The following NR2E1 variants were observed in gnomAD, a reference collection of about 807,000 sequenced individuals.
NR2E1 encodes nuclear receptor TLX.
In NR2E1, 5 loss-of-function variants were observed where a neutral mutation model predicts 43.6. The observed-to-expected ratio is 0.11, with a 90% CI of 0.06 to 0.24. The LOEUF (loss-of-function observed/expected upper bound fraction) is 0.24, where lower values mean the gene tolerates loss of function less well. Among genes scored for constraint, NR2E1 ranks in the 10% least tolerant of loss-of-function variants. The probability of loss-of-function intolerance (pLI) is 1.00; values close to 1 mark genes in which losing one functional copy is unlikely to be tolerated. For synonymous variants in NR2E1, 191 were observed against 195.5 expected (o/e 0.98, Z 0.19); for missense variants, 287 against 496.7 (o/e 0.58, Z 4.01).
chr6:108,184,616 ATG>A (rs973720088), intron 8 of NR2E1, among the ~76,000 whole-genome samples: 3 of 152,060 alleles, frequency 2.0e-5, no homozygotes, highest in African/African-American at 4.8e-5. Flanking sequence ...AGGGGAGAAG[ATG>A]TGTCCTGAGA....
chr6:108,187,386 G>A lies in NR2E1; in HGVS notation c.1081G>A (p.Val361Met). The A allele has an allele frequency of 6.2e-7, 1 of 1,614,032 alleles. No individual in the cohort carries two copies. The highest frequency in any genetic ancestry group is 2.2e-5 in the East Asian group (1 of 44,892). ...RSISPSTIEE[V>M]FFKKTIGNVP... ...TATTAGCCCATCAACTATAGAAGAA[G>A]TGTTTTTCAAAAAAACCATCGGCAA... is the stretch of plus-strand genomic sequence containing the variant. Residue 361 changes from valine to methionine, a missense_variant, in exon 9 of 9, where the codon GTG becomes ATG. Val to Met is a conservative substitution (Grantham distance 21, BLOSUM62 1). Coordinates refer to ENST00000368986, the MANE Select transcript of NR2E1 (RefSeq NM_003269.5).
chr6:108,172,555 C>T (rs1365596245), intron 2 of NR2E1, among the ~76,000 whole-genome samples: 1 of 152,214 alleles, frequency 6.6e-6, no homozygotes, highest in Non-Finnish European at 1.5e-5. Flanking sequence ...TTATCAGCGA[C>T]TCAGACCCTC....
chr6:108,173,389 A>C (rs1773843404), intron 2 of NR2E1, among the ~76,000 whole-genome samples: 2 of 152,214 alleles, frequency 1.3e-5, no homozygotes, highest in Admixed American at 1.3e-4. Context: ...AGATGCCCTA[A>C]ATAATTCACT....
chr6:108,176,592 G>T lies in NR2E1; in HGVS notation c.349G>T (p.Ala117Ser), dbSNP rs1773901607. The T allele has an allele frequency of 6.2e-7, 1 of 1,612,688 alleles. No individual in the cohort carries two copies. Among genetic ancestry groups the T allele is most frequent in the Admixed American group, 1.7e-5 (1 of 59,992 alleles). ...FRGHKEENGA[A>S]AHFPSAALPA... ...TGGACACAAGGAGGAGAACGGGGCC[G>T]CCGCGCACTTTCCCTCGGCGGCGCT... is the stretch of plus-strand genomic sequence containing the variant. The change falls in exon 4 of 9, where the codon GCC becomes TCC. Residue 117 changes from alanine (A) to serine (S), a missense_variant. Physicochemically the swap from Ala to Ser is moderately conservative, Grantham distance 99 (BLOSUM62 1). Transcript: ENST00000368986.
At chr6:108,176,418 TG>T in intron 3 of NR2E1, 84 bp from the exon 4 acceptor site, 1 of 1,388,092 alleles carries the variant, frequency 7.2e-7, no homozygotes, top group Non-Finnish European at 1.0e-6. Context: ...GACTTGACAT[TG>T]GGGCGGGGCT....
chr6:108,178,362 C>G, intron 5 of NR2E1, 121 bp downstream of exon 5: 1 of 1,010,906 alleles, frequency 9.9e-7, no homozygotes, highest in Non-Finnish European at 1.5e-6. Context: ...TTCTTAATAG[C>G]AGTGAGGAAA....
intron 8 of NR2E1, among the ~76,000 whole-genome samples, chr6:108,183,359 A>G (rs1774022435): frequency 6.6e-6 from 1 of 152,120 alleles, no homozygotes; most frequent in South Asian, 2.1e-4. Context: ...AAAAAAAAAA[A>G]AGAAGAAGTG....
In NR2E1 at chr6:108,169,350, C is replaced by T. The variant is rs112650345; in HGVS notation, c.26-2108C>T. On this transcript the variant is annotated intron_variant, in intron 1 of 8. Coordinates refer to ENST00000368986, the MANE Select transcript of NR2E1 (RefSeq NM_003269.5). This position sits in a 1 kb window ranked among gnomAD's most constrained non-coding sequence, Gnocchi z 6.1. Reference sequence around the variant, plus strand: ...GGGGGAATCCGAGGAGGGGCCCCCACCCTGCACTGGTCTTCCCTCCACCCT... The same window carrying T: ...GGGGGAATCCGAGGAGGGGCCCCCATCCTGCACTGGTCTTCCCTCCACCCT... Among the ~76,000 whole-genome samples the T allele has an allele frequency of 8.1e-4, 123 of 152,328 alleles. No individual in the cohort carries two copies. The highest frequency in any genetic ancestry group is 1.9e-3 in the African/African-American group (81 of 41,586).
intron 2 of NR2E1, among the ~76,000 whole-genome samples, chr6:108,172,144 C>T (rs555874020): frequency 1.7e-4 from 26 of 152,302 alleles, no homozygotes; most frequent in Non-Finnish European, 3.1e-4. Flanking sequence ...GGAAGAGAGG[C>T]CGTGCTTTCT....
chr6:108,171,641 G>T (rs1366759690), intron 2 of NR2E1, 38 bp downstream of exon 2: 2 of 1,612,900 alleles, frequency 1.2e-6, no homozygotes, highest in South Asian at 2.2e-5. Flanking sequence ...GCTCCGCTCT[G>T]CTGCCTCCTC....
chr6:108,178,042 T>G, intron 4 of NR2E1, 53 bp from the exon 5 acceptor site: 1 of 1,601,654 alleles, frequency 6.2e-7, no homozygotes, highest in Non-Finnish European at 8.6e-7. Flanking sequence ...TGGTTCTTCT[T>G]GCAAAGCTGT....
In NR2E1 at chr6:108,183,358, AAAG is replaced by A. The variant is rs1171290396; in HGVS notation, c.995+1714_995+1716del. Among the ~76,000 whole-genome samples, 8 of 152,150 alleles carry A rather than the reference AAAG, an allele frequency of 5.3e-5. No homozygotes were observed. The South Asian group carries it at 1.0e-3, about 20-fold the overall frequency. ...TCCACCAAAAATTTAAAAAAAAAAA[AAAG>A]AAGAAGTGTAAATTTTATTATGCCA... is the stretch of plus-strand genomic sequence containing the variant. On this transcript the variant is annotated intron_variant, in intron 8 of 8. Transcript: ENST00000368986.
At chr6:108,167,822 C>A (rs946230043) in intron 1 of NR2E1, among the ~76,000 whole-genome samples, 1 of 151,956 alleles carries the variant, frequency 6.6e-6, no homozygotes, top group African/African-American at 2.4e-5. Context: ...CCCTTTCACT[C>A]GCCCTCATTG....
intron 4 of NR2E1, among the ~76,000 whole-genome samples, chr6:108,177,021 A>G (rs977698820): frequency 2.0e-5 from 3 of 152,218 alleles, no homozygotes; most frequent in African/African-American, 7.2e-5. Flanking sequence ...GGTGGAGGCC[A>G]GGAACCTGCA....
chr6:108,169,045 C>T lies in NR2E1; in HGVS notation c.25+2255C>T, dbSNP rs1308410929. ...TCCAGCTTCAGGAAACTCCGGCTCG[C>T]CTCACGTCGGAGCTCGCTCGGCTTG... is the stretch of plus-strand genomic sequence containing the variant. On this transcript the variant is annotated intron_variant, in intron 1 of 8. Transcript: ENST00000368986. The surrounding 1 kb of genome is among the most constrained non-coding windows in gnomAD (Gnocchi z 6.1). The T allele has an allele frequency of 1.3e-5, 2 of 152,258 alleles. No individual in the cohort carries two copies. Among genetic ancestry groups the T allele is most frequent in the African/African-American group, 4.8e-5 (2 of 41,464 alleles). 9.4% of individuals were successfully genotyped at this position (152,258 alleles called of 1,614,324 possible).
chr6:108,187,563 C>T lies in NR2E1; in HGVS notation c.*100C>T, dbSNP rs921455518. On this transcript the variant is annotated 3_prime_UTR_variant, in exon 9 of 9. Coordinates refer to ENST00000368986, the MANE Select transcript of NR2E1 (RefSeq NM_003269.5). The stretch of plus-strand genomic sequence containing the variant: ...AACAAACCCTTCAGGAAGCATATAC[C>T]GGGGAATGTGTAGCCTTCAGGAAAA... The T allele has an allele frequency of 1.6e-5, 21 of 1,334,166 alleles. No homozygotes were observed. Among genetic ancestry groups the T allele is most frequent in the Admixed American group, 5.0e-5 (3 of 59,460 alleles). The allele number at this position is 1,334,166 out of a possible 1,614,324, so 82.6% of individuals were successfully genotyped here.
At position 108,178,142 on chromosome 6, in the gene NR2E1, C is replaced by T. The variant is rs755732563; in HGVS notation, c.543C>T (p.Ala181=). The change falls in exon 5 of 9, where the codon GCC becomes GCT. Residue 181 remains alanine (A), a synonymous_variant. Coordinates refer to ENST00000368986, the MANE Select transcript of NR2E1 (RefSeq NM_003269.5). ...CCCCAATGTATCTCTATGAAGTGGC[C>T]ACGGAGTCGGTGTGTGAATCAGCTG... The part of the protein sequence containing the change: ...NGTPMYLYEV[A]TESVCESAAR... 1.5e-5 allele frequency: 24 copies of T among 1,614,050 alleles called. No homozygotes were observed. Among genetic ancestry groups the T allele is most frequent in the African/African-American group, 9.3e-5 (7 of 74,928 alleles).
At chr6:108,172,539 C>A (rs1043746220) in intron 2 of NR2E1, among the ~76,000 whole-genome samples, 4 of 152,202 alleles carry the variant, frequency 2.6e-5, no homozygotes, top group African/African-American at 9.7e-5. Flanking sequence ...ACACTTTGCC[C>A]TCTCCTTATC....
In NR2E1 at chr6:108,178,109, G is replaced by C; in HGVS notation, c.510G>C (p.Val170=). 1 of 1,614,202 alleles carries C rather than the reference G, an allele frequency of 6.2e-7. No homozygotes were observed. The highest frequency in any genetic ancestry group is 8.5e-7 in the Non-Finnish European group (1 of 1,180,042). ...AQPTPKYPHE[V]NGTPMYLYEV... is the part of the protein sequence containing the mutation. Reference sequence around the variant, plus strand: ...TCCCTACCCAGTACCCCCATGAAGTGAATGGGACCCCAATGTATCTCTATG... The same window carrying C: ...TCCCTACCCAGTACCCCCATGAAGTCAATGGGACCCCAATGTATCTCTATG... Residue 170 remains valine (V), a synonymous_variant, in exon 5 of 9, where the codon GTG becomes GTC. Coordinates refer to ENST00000368986, the MANE Select transcript of NR2E1 (RefSeq NM_003269.5).
Sources: gnomAD v4.1 joint callset for allele counts (sites outside exome capture counted in the v4.1 genomes callset) on GRCh38, gnomAD v4.1.1 for gene constraint, Gnocchi (gnomAD v3.1) non-coding constraint, MANE v1.5 for transcripts, NCBI Gene and HGNC (gene_info 2026-07-23, HGNC 2026-07-21) for gene names.